The following RNF175 variants were observed in gnomAD, a reference collection of about 807,000 sequenced individuals.
The protein encoded by RNF175 is ring finger protein 175.
In RNF175, 38 loss-of-function variants were observed where a neutral mutation model predicts 50.0. The observed-to-expected ratio is 0.76, with a 90% CI of 0.59 to 1.00. The LOEUF (loss-of-function observed/expected upper bound fraction) is 1.00, where lower values mean the gene tolerates loss of function less well. RNF175 is among the 50% of genes least tolerant of loss of function. RNF175 has a pLI of 0.00. For synonymous variants in RNF175, 155 were observed against 146.1 expected (o/e 1.06, Z -0.44); for missense variants, 388 against 409.6 (o/e 0.95, Z 0.46).
rs1468447373 is a variant in RNF175, at chr4:153,718,223, TTTGTTTGTTTGTTTG to T, written c.630+1946_630+1960del. 1.0e-4 allele frequency among the ~76,000 whole-genome samples: 2 copies of T among 19,814 alleles called. 1 individual carries two copies. The highest frequency in any genetic ancestry group is 2.4e-4 in the Non-Finnish European group (2 of 8,242). The allele number at this position is 19,814 out of a possible 152,430, so 13.0% of individuals were successfully genotyped here. ...TTTCCTAAGGAGTTTTTTTTGTTTG[TTTGTTTGTTTGTTTG>T]TTTTTTTTTTTTTTGAAGCAGATGC... On this transcript the variant is annotated intron_variant, in intron 6 of 8. Coordinates refer to ENST00000347063, the MANE Select transcript of RNF175 (RefSeq NM_173662.4).
Position 153,723,437 on chromosome 4 carries a change from A to T in RNF175, c.423T>A (p.Leu141=). The change falls in exon 5 of 9, where the codon CTT becomes CTA. Residue 141 remains leucine (L), a synonymous_variant. Transcript: ENST00000347063. ...RTPRLVYKWF[L]LIYKLSYAFG... is the part of the protein sequence containing the mutation. ...ATGCATAGCTGAGTTTGTAGATCAAAAGAAACCATTTGTAGACCAATCTGT... is the reference window on the plus strand; with the variant it reads ...ATGCATAGCTGAGTTTGTAGATCAATAGAAACCATTTGTAGACCAATCTGT... 1 of 1,598,606 alleles carries T rather than the reference A, an allele frequency of 6.3e-7. No individual in the cohort carries two copies. Among genetic ancestry groups the T allele is most frequent in the East Asian group, 2.2e-5 (1 of 44,798 alleles).
At chr4:153,743,548 G>T (rs755645327) in intron 3 of RNF175, among the ~76,000 whole-genome samples, 2 of 152,060 alleles carry the variant, frequency 1.3e-5, no homozygotes, top group Non-Finnish European at 2.9e-5. Flanking sequence ...ACTATGGTGG[G>T]GGCAACTTTA....
At chr4:153,718,215 TTTGTTTGTTTG>T (rs1188476499) in intron 6 of RNF175, among the ~76,000 whole-genome samples, 1 of 42,422 alleles carries the variant, frequency 2.4e-5, no homozygotes, top group Non-Finnish European at 5.0e-5. Context: ...AGGAGTTTTT[TTTGTTTGTTTG>T]TTTGTTTGTT....
Position 153,712,516 on chromosome 4 carries a change from G to A in RNF175, c.825C>T (p.Tyr275=). The change falls in exon 8 of 9, where the codon TAC becomes TAT. Residue 275 remains tyrosine, a synonymous_variant. Transcript: ENST00000347063. ...TCTTCAAATCAACTTTCTCTTTGCA[G>A]TAAGGGCAAGTCTGCTTTTTCCCAA... ...CIVGKKQTCP[Y]CKEKVDLKRM... is the part of the protein sequence containing the mutation. 6.8e-6 allele frequency: 11 copies of A among 1,612,582 alleles called. No homozygotes were observed. Among genetic ancestry groups the A allele is most frequent in the Non-Finnish European group, 9.3e-6 (11 of 1,178,848 alleles).
At chr4:153,728,459 C>T (rs1230368523) in intron 3 of RNF175, 98 bp from the exon 4 acceptor site, 3 of 996,658 alleles carry the variant, frequency 3.0e-6, no homozygotes, top group East Asian at 2.4e-5. Context: ...GGAGAACCAC[C>T]TTCACCATCA....
chr4:153,756,647 G>T (rs1334399423), intron 1 of RNF175, among the ~76,000 whole-genome samples: 2 of 152,094 alleles, frequency 1.3e-5, no homozygotes, highest in Non-Finnish European at 2.9e-5. Flanking sequence ...CCTCCCATGT[G>T]CCAGCCACTG....
chr4:153,724,938 TG>T (rs1738590548), intron 4 of RNF175, among the ~76,000 whole-genome samples: 1 of 71,008 alleles, frequency 1.4e-5, no homozygotes, highest in Non-Finnish European at 2.9e-5. Context: ...GTGAGCTACG[TG>T]GGGGAGTGGG....
intron 5 of RNF175, 101 bp downstream of exon 5, chr4:153,723,250 A>G (rs182786575): frequency 1.8e-5 from 11 of 627,614 alleles, no homozygotes; most frequent in Admixed American, 5.0e-5. Flanking sequence ...GTGTGCATGG[A>G]AAATTGTAGG....
chr4:153,751,320 C>T (rs937096543), intron 2 of RNF175, 118 bp downstream of exon 2: 1 of 737,860 alleles, frequency 1.4e-6, no homozygotes, highest in Non-Finnish European at 2.3e-6. Flanking sequence ...TATCCTACCC[C>T]ATCTTCTCTA....
At chr4:153,713,479 T>G (rs1041004784) in intron 7 of RNF175, 5 of 152,220 alleles carry the variant, frequency 3.3e-5, no homozygotes, top group African/African-American at 1.2e-4. Context: ...TTGGGCAAAA[T>G]GAACTATAAT....
At chr4:153,755,994 G>A (rs1363540518) in intron 1 of RNF175, among the ~76,000 whole-genome samples, 2 of 152,170 alleles carry the variant, frequency 1.3e-5, no homozygotes, top group African/African-American at 4.8e-5. Context: ...TACATAAAGA[G>A]ACATCTGTAA....
intron 6 of RNF175, among the ~76,000 whole-genome samples, chr4:153,719,508 G>A (rs1560771943): frequency 2.0e-5 from 3 of 152,168 alleles, no homozygotes; most frequent in South Asian, 2.1e-4. Flanking sequence ...TTTAAGATAT[G>A]CAAGAGTCAG....
intron 3 of RNF175, among the ~76,000 whole-genome samples, chr4:153,734,665 C>CTTTTTTTTTTTTTTTTTTTTTTTTT (rs56211482): frequency 1.4e-5 from 1 of 73,182 alleles, no homozygotes; most frequent in Non-Finnish European, 2.2e-5. Context: ...TTTTTTTATT[C>CTTTTTTTTTTTTTTTTTTTTTTTTT]TTTTTTTTTT....
rs1276542726 is a variant in RNF175, at chr4:153,718,234, G to GTTTTTTT, written c.630+1949_630+1950insAAAAAAA. Among the ~76,000 whole-genome samples, 4 of 64,254 alleles carry GTTTTTTT rather than the reference G, an allele frequency of 6.2e-5. No homozygotes were observed. In the Admixed American group the frequency reaches 9.2e-4, roughly 15 times the overall value. 42.2% of individuals were successfully genotyped at this position (64,254 alleles called of 152,430 possible). On this transcript the variant is annotated intron_variant, in intron 6 of 8. Transcript: ENST00000347063. The stretch of plus-strand genomic sequence containing the variant: ...GTTTTTTTTGTTTGTTTGTTTGTTT[G>GTTTTTTT]TTTGTTTTTTTTTTTTTTGAAGCAG...
chr4:153,729,561 T>C (rs1284925826), intron 3 of RNF175: 2 of 492,376 alleles, frequency 4.1e-6, no homozygotes, highest in Non-Finnish European at 5.3e-6. Context: ...GTGATAATAG[T>C]CTAAGGTCAA....
intron 1 of RNF175, among the ~76,000 whole-genome samples, chr4:153,752,133 A>G (rs1329768827): frequency 6.6e-6 from 1 of 152,228 alleles, no homozygotes; most frequent in Non-Finnish European, 1.5e-5. Flanking sequence ...TTTCTAGATT[A>G]TTGCTAACCC....
At chr4:153,759,352 G>C (rs1740712115) in intron 1 of RNF175, among the ~76,000 whole-genome samples, 1 of 152,160 alleles carries the variant, frequency 6.6e-6, no homozygotes, top group Non-Finnish European at 1.5e-5. Flanking sequence ...TTGAGAACCA[G>C]GGCGGTCTAG....
At chr4:153,758,905 G>T (rs1420126138) in intron 1 of RNF175, among the ~76,000 whole-genome samples, 6 of 152,200 alleles carry the variant, frequency 3.9e-5, no homozygotes, top group Non-Finnish European at 8.8e-5. Context: ...GGTTGGAGGA[G>T]AAGGGGGTTA....
chr4:153,711,738 G>C (rs1036856879), intron 8 of RNF175, among the ~76,000 whole-genome samples: 1 of 152,114 alleles, frequency 6.6e-6, no homozygotes, highest in Non-Finnish European at 1.5e-5. Context: ...ATATACTATG[G>C]TCTTGAGATA....
Sources: gnomAD v4.1 joint callset for allele counts (sites outside exome capture counted in the v4.1 genomes callset) on GRCh38, gnomAD v4.1.1 for gene constraint, MANE v1.5 for transcripts, NCBI Gene and HGNC (gene_info 2026-07-23, HGNC 2026-07-21) for gene names.